The following KCTD1 variants were observed in gnomAD, a reference collection of about 807,000 sequenced individuals.
KCTD1 encodes potassium channel tetramerization domain containing 1.
Under a neutral mutation model 66.0 loss-of-function variants are expected in KCTD1, and 24 were observed. The observed-to-expected ratio is 0.36, with a 90% CI of 0.26 to 0.51. The LOEUF (loss-of-function observed/expected upper bound fraction) is 0.51. KCTD1 is among the 20% of genes least tolerant of loss of function. KCTD1 has a pLI of 0.95. For missense variants in KCTD1, 943 were observed against 1,205.2 expected, an observed-to-expected ratio of 0.78 and a Z score of 3.22; for synonymous variants, 511 against 517.2, an observed-to-expected ratio of 0.99 and a Z score of 0.16.
At chr18:26,626,896 A>C (rs1987514087) in intron 1 of KCTD1, among the ~76,000 whole-genome samples, 1 of 152,352 alleles carries the variant, frequency 6.6e-6, no homozygotes. Context: ...GTGGATTACA[A>C]GAACAGAAAG....
intron 1 of KCTD1, among the ~76,000 whole-genome samples, chr18:26,650,267 G>A (rs1339902953): frequency 1.3e-5 from 2 of 152,212 alleles, no homozygotes; most frequent in East Asian, 3.9e-4. Flanking sequence ...AGTACTTACA[G>A]GGAAGTGAAA....
intron 1 of KCTD1, among the ~76,000 whole-genome samples, chr18:26,533,446 T>C (rs1038123398): frequency 2.0e-5 from 3 of 152,224 alleles, no homozygotes; most frequent in Non-Finnish European, 4.4e-5. Context: ...TTCTATGTAA[T>C]ACATTGCCAG....
At position 26,468,511 on chromosome 18, in the gene KCTD1, G is replaced by T. The variant is rs115290297; in HGVS notation, c.2133+8004C>A. 1.6e-3 allele frequency among the ~76,000 whole-genome samples: 248 copies of T among 152,176 alleles called. No homozygotes were observed. Among genetic ancestry groups the T allele is most frequent in the African/African-American group, 5.1e-3 (211 of 41,516 alleles). The stretch of plus-strand genomic sequence containing the variant: ...ATAAACATTCTCCCTAACAAACTTA[G>T]TGAAAGAGATTCTCTCCTCATGCAA... On this transcript the variant is annotated intron_variant, in intron 3 of 4. Coordinates refer to ENST00000580059, the MANE Select transcript of KCTD1 (RefSeq NM_001142730.3). This position sits in a 1 kb window ranked among gnomAD's most constrained non-coding sequence, Gnocchi z 4.8.
chr18:26,496,628 A>C (rs766914652), intron 2 of KCTD1, among the ~76,000 whole-genome samples: 1 of 152,162 alleles, frequency 6.6e-6, no homozygotes, highest in Non-Finnish European at 1.5e-5. Context: ...TAGCTAAAAA[A>C]ACACCTGATG....
intron 1 of KCTD1, among the ~76,000 whole-genome samples, chr18:26,532,176 G>A (rs1214526604): frequency 1.3e-5 from 2 of 152,020 alleles, no homozygotes; most frequent in Non-Finnish European, 2.9e-5. Flanking sequence ...AGAAGAGGCG[G>A]CTTTGTCAAG....
At chr18:26,488,685 TG>T (rs1475324004) in intron 2 of KCTD1, among the ~76,000 whole-genome samples, 1 of 152,196 alleles carries the variant, frequency 6.6e-6, no homozygotes, top group Non-Finnish European at 1.5e-5. Flanking sequence ...TATGTACAGT[TG>T]TAATTTATCT....
At chr18:26,470,065 G>A (rs1980969150) in intron 3 of KCTD1, among the ~76,000 whole-genome samples, 2 of 152,180 alleles carry the variant, frequency 1.3e-5, no homozygotes, top group South Asian at 4.1e-4. Flanking sequence ...AGATGAACTG[G>A]TGGGAACAAG....
intron 1 of KCTD1, among the ~76,000 whole-genome samples, chr18:26,616,209 T>C (rs1344641516): frequency 6.6e-6 from 1 of 151,172 alleles, no homozygotes; most frequent in Admixed American, 6.6e-5. Flanking sequence ...AACCATACTC[T>C]ACAGTACATG....
chr18:26,473,677 A>G (rs1390570845), intron 3 of KCTD1, among the ~76,000 whole-genome samples: 1 of 152,088 alleles, frequency 6.6e-6, no homozygotes, highest in African/African-American at 2.4e-5. Context: ...TTTGCTTAGG[A>G]GCCATGTTGC....
At chr18:26,638,258 T>G (rs1987764615) in intron 1 of KCTD1, among the ~76,000 whole-genome samples, 1 of 152,212 alleles carries the variant, frequency 6.6e-6, no homozygotes, top group East Asian at 1.9e-4. Context: ...ATTCATAACC[T>G]TCATAACTTC....
At position 26,547,106 on chromosome 18, in the gene KCTD1, C is replaced by T. The variant is rs1453300110; in HGVS notation, c.1431G>A (p.Gln477=). ...IGTKLGSPAP[Q]GCYAEALNGA... ...CGTTCAGAGCCTCGGCGTAGCAGCC[C>T]TGCGGGGCGGGCGAGCCCAGCTTGG... Residue 477 remains glutamine, a synonymous_variant, in exon 1 of 5, where the codon CAG becomes CAA. Coordinates refer to ENST00000580059, the MANE Select transcript of KCTD1 (RefSeq NM_001142730.3). 1.9e-6 allele frequency: 3 copies of T among 1,548,856 alleles called. No homozygotes were observed. Among genetic ancestry groups the T allele is most frequent in the Admixed American group, 3.9e-5 (2 of 50,964 alleles).
chr18:26,504,109 C>G (rs1258330337), intron 1 of KCTD1, among the ~76,000 whole-genome samples: 1 of 152,178 alleles, frequency 6.6e-6, no homozygotes, highest in African/African-American at 2.4e-5. Flanking sequence ...CTCTGTTGCC[C>G]AGGCTGGAGT....
At chr18:26,606,498 T>C (rs1987018855) in intron 1 of KCTD1, among the ~76,000 whole-genome samples, 1 of 152,220 alleles carries the variant, frequency 6.6e-6, no homozygotes, top group Admixed American at 6.5e-5. Context: ...CGTGACTTGC[T>C]GGGGCAATGG....
At chr18:26,596,117 C>G (rs1986759677) in intron 1 of KCTD1, among the ~76,000 whole-genome samples, 1 of 152,090 alleles carries the variant, frequency 6.6e-6, no homozygotes, top group Admixed American at 6.5e-5. Context: ...ATGTTTGTAT[C>G]CCCCACAGAT....
At chr18:26,631,650 A>C (rs1192349274), upstream of KCTD1, among the ~76,000 whole-genome samples, 1 of 152,234 alleles carries the variant, frequency 6.6e-6, no homozygotes, top group East Asian at 1.9e-4. Flanking sequence ...TCAACATAGC[A>C]GCTATTCCTA....
chr18:26,534,481 T>C lies in KCTD1; in HGVS notation c.1809+12247A>G, dbSNP rs117139432. The stretch of plus-strand genomic sequence containing the variant: ...ACTTCTGCCTGTGTTTATAAATATT[T>C]TGTAATTTTTTTGGACCCTTTGTCT... On this transcript the variant is annotated intron_variant, in intron 1 of 4. Coordinates refer to ENST00000580059, the MANE Select transcript of KCTD1 (RefSeq NM_001142730.3). Among the ~76,000 whole-genome samples, 75 of 152,286 alleles carry C rather than the reference T, an allele frequency of 4.9e-4. 3 individuals are homozygous for C. The East Asian group carries it at 0.013, about 27-fold the overall frequency.
chr18:26,621,350 A>T lies in KCTD1; in HGVS notation c.-16+7797T>A, dbSNP rs528688117. 1.0e-3 allele frequency among the ~76,000 whole-genome samples: 157 copies of T among 152,158 alleles called. 1 individual carries two copies. The highest frequency in any genetic ancestry group is 1.7e-3 in the Non-Finnish European group (116 of 68,010). ...CGTCCATAGACACTGTCCATAGACTACCTGATGGTGCACGTTTCCTGCTAT... is the reference window on the plus strand; with the variant it reads ...CGTCCATAGACACTGTCCATAGACTTCCTGATGGTGCACGTTTCCTGCTAT... On this transcript the variant is annotated intron_variant, in intron 1 of 4. Coordinates refer to the KCTD1 transcript ENST00000317932.
chr18:26,632,822 G>A (rs941576207), upstream of KCTD1, among the ~76,000 whole-genome samples: 2 of 152,020 alleles, frequency 1.3e-5, no homozygotes, highest in African/African-American at 4.8e-5. Flanking sequence ...CAAATGAAAA[G>A]ATATATCAAG....
chr18:26,548,249 C>G lies in KCTD1; in HGVS notation c.288G>C (p.Glu96Asp). 1 of 1,514,854 alleles carries G rather than the reference C, an allele frequency of 6.6e-7. No homozygotes were observed. The highest frequency in any genetic ancestry group is 8.8e-7 in the Non-Finnish European group (1 of 1,135,530). The allele number at this position is 1,514,854 out of a possible 1,614,324, so 93.8% of individuals were successfully genotyped here. A position where few individuals can be genotyped will look rare whatever the true frequency, so the allele number is the denominator to read the frequency against. ...EEDEEEEEEE[E>D]MGLDWDEPLE... is the part of the protein sequence containing the mutation. ...GGGGCTCGTCCCAGTCCAGCCCCAT[C>G]TCCTCCTCTTCCTCCTCCTCCTCGT... The change falls in exon 1 of 5, where the codon GAG (glutamate) becomes GAC (aspartate). Residue 96 changes from glutamate (E) to aspartate (D), a missense_variant. Glu to Asp is a conservative substitution (Grantham distance 45). Coordinates refer to ENST00000580059, the MANE Select transcript of KCTD1 (RefSeq NM_001142730.3).
Sources: allele counts gnomAD v4.1 joint callset (sites outside exome capture counted in the v4.1 genomes callset), GRCh38; gene constraint gnomAD v4.1.1; non-coding constraint Gnocchi (gnomAD v3.1); transcripts MANE v1.5; gene names NCBI Gene and HGNC (gene_info 2026-07-23, HGNC 2026-07-21).